Variants in TGFBR3 observed in about 807,000 individuals in gnomAD.
The protein encoded by TGFBR3 is transforming growth factor beta receptor type 3.
TGFBR3 carries 46 observed loss-of-function variants against 87.9 expected under a neutral mutation model. That is an observed-to-expected ratio of 0.52 (90% CI 0.41 to 0.67). TGFBR3 has a LOEUF of 0.67. Ranked by LOEUF, TGFBR3 falls within the 30% of genes least tolerant of loss-of-function variation. The pLI is 0.00. For synonymous variants in TGFBR3, 381 were observed against 391.6 expected, an observed-to-expected ratio of 0.97 and a Z score of 0.32; for missense variants, 866 against 1,041.9, an observed-to-expected ratio of 0.83 and a Z score of 2.32.
At chr1:91,771,531 C>T (rs1674377003) in intron 3 of TGFBR3, among the ~76,000 whole-genome samples, 2 of 151,756 alleles carry the variant, frequency 1.3e-5, no homozygotes, top group African/African-American at 2.4e-5. Flanking sequence ...GGTGAAACCC[C>T]GTCTCTACTA....
chr1:91,831,862 G>A (rs1345781812), intron 2 of TGFBR3, among the ~76,000 whole-genome samples: 1 of 152,010 alleles, frequency 6.6e-6, no homozygotes, highest in Non-Finnish European at 1.5e-5. Flanking sequence ...TTTAAGCAGA[G>A]GGAAAAAAGC....
upstream of TGFBR3, among the ~76,000 whole-genome samples, chr1:91,888,973 C>T (rs1225625617): frequency 6.6e-6 from 1 of 152,076 alleles, no homozygotes; most frequent in Admixed American, 6.6e-5. Context: ...CCTCTGCCTC[C>T]TGGGCTCAAG....
At chr1:91,903,972 G>A (rs983665194) in intron 1 of TGFBR3, among the ~76,000 whole-genome samples, 3 of 152,006 alleles carry the variant, frequency 2.0e-5, no homozygotes, top group Admixed American at 6.6e-5. Flanking sequence ...TCAGGAGTTC[G>A]AGACCAGCCT....
chr1:91,852,624 T>C (rs1359596248), intron 2 of TGFBR3, among the ~76,000 whole-genome samples: 1 of 152,114 alleles, frequency 6.6e-6, no homozygotes, highest in Non-Finnish European at 1.5e-5. Flanking sequence ...TGGAGTGCAG[T>C]GGCGCCATCT....
intron 2 of TGFBR3, among the ~76,000 whole-genome samples, chr1:91,802,310 T>C (rs1675659741): frequency 1.3e-5 from 2 of 152,170 alleles, no homozygotes; most frequent in African/African-American, 4.8e-5. Flanking sequence ...CTCTCATCTC[T>C]TTACAGAAAT....
chr1:91,798,051 T>A (rs1051252843), intron 2 of TGFBR3, among the ~76,000 whole-genome samples: 33 of 152,170 alleles, frequency 2.2e-4, no homozygotes, highest in African/African-American at 7.5e-4. Context: ...GAGCCTCAAA[T>A]AGAAAAAGTA....
At position 91,803,936 on chromosome 1, in the gene TGFBR3, T is replaced by C. The variant is rs184289623; in HGVS notation, c.62-6465A>G. 2.2e-4 allele frequency among the ~76,000 whole-genome samples: 34 copies of C among 152,354 alleles called. No individual in the cohort carries two copies. In the East Asian group the frequency reaches 6.2e-3, roughly 28 times the overall value. ...TGCAATTATTGGTTTCACATCTACA[T>C]GCTCCCAAAGACTGCAAACACCACG... On this transcript the variant is annotated intron_variant, in intron 2 of 16. Coordinates refer to ENST00000212355, the MANE Select transcript of TGFBR3 (RefSeq NM_003243.5).
chr1:91,732,987 G>C (rs1203447334), intron 5 of TGFBR3, among the ~76,000 whole-genome samples: 1 of 152,186 alleles, frequency 6.6e-6, no homozygotes, highest in Admixed American at 6.5e-5. Flanking sequence ...CATGCTACTA[G>C]AATTCTGCTT....
chr1:91,871,326 G>A (rs915591748), intron 1 of TGFBR3, among the ~76,000 whole-genome samples: 2 of 152,164 alleles, frequency 1.3e-5, no homozygotes, highest in African/African-American at 4.8e-5. Context: ...AAACCAGGGT[G>A]GCAGGCCTTG....
At position 91,758,646 on chromosome 1, in the gene TGFBR3, C is replaced by G. The variant is rs1024371419; in HGVS notation, c.351G>C (p.Glu117Asp). 6.2e-7 allele frequency: 1 copy of G among 1,614,072 alleles called. No individual in the cohort carries two copies. Among genetic ancestry groups the G allele is most frequent in the Non-Finnish European group, 8.5e-7 (1 of 1,179,944 alleles). Residue 117 changes from glutamate (E) to aspartate (D), a missense_variant, in exon 4 of 17, where the codon GAG becomes GAC. Physicochemically the swap from Glu to Asp is conservative, Grantham distance 45. Coordinates refer to ENST00000212355, the MANE Select transcript of TGFBR3 (RefSeq NM_003243.5). ...GTCTGGAGACCCCAGTGGCAAGTCT[C>G]TCTGTCTTCAGATGCCACACCAGGG... ...PHPLVWHLKT[E>D]RLATGVSRLF...
At chr1:91,821,610 C>T (rs566107587) in intron 2 of TGFBR3, among the ~76,000 whole-genome samples, 7 of 152,246 alleles carry the variant, frequency 4.6e-5, no homozygotes, top group Middle Eastern at 6.8e-3. Context: ...TGGTTTCCTC[C>T]ACTTCAGTGA....
intron 14 of TGFBR3, among the ~76,000 whole-genome samples, chr1:91,701,510 G>A (rs1671619572): frequency 1.3e-5 from 2 of 152,148 alleles, no homozygotes; most frequent in Admixed American, 1.3e-4. Context: ...TAACAATAAA[G>A]ATTTCTTTAC....
At chr1:91,694,916 T>C (rs1671378541) in intron 16 of TGFBR3, among the ~76,000 whole-genome samples, 1 of 152,150 alleles carries the variant, frequency 6.6e-6, no homozygotes, top group East Asian at 1.9e-4. Context: ...AAAGAATCAA[T>C]AGCAGGACAA....
intron 2 of TGFBR3, among the ~76,000 whole-genome samples, chr1:91,828,048 A>T (rs1460109520): frequency 2.0e-5 from 3 of 152,218 alleles, no homozygotes; most frequent in Admixed American, 1.3e-4. Flanking sequence ...CATCTACTCC[A>T]GGGTACCGGC....
At chr1:91,765,425 AACAGAACATTAACAC>A (rs1674143552) in intron 3 of TGFBR3, among the ~76,000 whole-genome samples, 1 of 151,980 alleles carries the variant, frequency 6.6e-6, no homozygotes, top group Admixed American at 6.6e-5. Context: ...GTATATAGTA[AACAGAACATTAACAC>A]ACAGTCAAGA....
At chr1:91,838,803 A>T (rs568865978) in intron 2 of TGFBR3, among the ~76,000 whole-genome samples, 4 of 152,228 alleles carry the variant, frequency 2.6e-5, no homozygotes, top group African/African-American at 9.6e-5. Context: ...TCAAAGACAC[A>T]TGCACAGCAA....
chr1:91,903,417 A>G (rs557441282), intron 1 of TGFBR3, among the ~76,000 whole-genome samples: 1 of 151,130 alleles, frequency 6.6e-6, no homozygotes, highest in South Asian at 2.1e-4. Flanking sequence ...TCATTCAGAT[A>G]ATGATTGTTG....
intron 3 of TGFBR3, among the ~76,000 whole-genome samples, chr1:91,762,711 T>A (rs1674016316): frequency 6.6e-6 from 1 of 152,238 alleles, no homozygotes; most frequent in African/African-American, 2.4e-5. Flanking sequence ...ACATTGCTGA[T>A]TCTTCCCCTA....
intron 3 of TGFBR3, among the ~76,000 whole-genome samples, chr1:91,783,467 T>C (rs1674846433): frequency 6.6e-6 from 1 of 152,320 alleles, no homozygotes; most frequent in African/African-American, 2.4e-5. Flanking sequence ...ATGGAGAACA[T>C]GGCTGCAATG....
Sources: gnomAD v4.1 joint callset for allele counts (sites outside exome capture counted in the v4.1 genomes callset) on GRCh38, gnomAD v4.1.1 for gene constraint, MANE v1.5 for transcripts, NCBI Gene and HGNC (gene_info 2026-07-23, HGNC 2026-07-21) for gene names.